RPH3A: variants seen among roughly 807,000 people sequenced by gnomAD.
RPH3A encodes rabphilin 3A, also known as rabphilin-3A.
Under a neutral mutation model 102.2 loss-of-function variants are expected in RPH3A, and 48 were observed. The observed-to-expected ratio is 0.47, with a 90% CI of 0.37 to 0.60. The LOEUF is 0.60. Ranked by LOEUF, RPH3A falls within the 20% of genes least tolerant of loss-of-function variation. RPH3A has a pLI of 0.00. For missense variants in RPH3A, 781 were observed against 910.1 expected (o/e 0.86, Z 1.83); for synonymous variants, 310 against 324.3 (o/e 0.96, Z 0.47).
chr12:112,743,424 T>C (rs1023235720), intron 1 of RPH3A, among the ~76,000 whole-genome samples: 2 of 152,142 alleles, frequency 1.3e-5, no homozygotes, highest in African/African-American at 4.8e-5. Flanking sequence ...CAGGGGTTTT[T>C]CCATAGAGAC....
At chr12:112,674,883 G>C (rs1314677927) in intron 1 of RPH3A, among the ~76,000 whole-genome samples, 1 of 152,174 alleles carries the variant, frequency 6.6e-6, no homozygotes, top group East Asian at 1.9e-4. Flanking sequence ...TCTCTCAGGG[G>C]CTTTACTCCC....
At chr12:112,654,284 T>A (rs1216440686) in intron 1 of RPH3A, among the ~76,000 whole-genome samples, 1 of 152,226 alleles carries the variant, frequency 6.6e-6, no homozygotes, top group Non-Finnish European at 1.5e-5. Flanking sequence ...GTTGGGGTCC[T>A]TATTGCTTTC....
intron 1 of RPH3A, among the ~76,000 whole-genome samples, chr12:112,650,561 C>A (rs1362957731): frequency 6.6e-6 from 1 of 152,036 alleles, no homozygotes; most frequent in Non-Finnish European, 1.5e-5. Flanking sequence ...TTTTATATAT[C>A]CTTTTTTATT....
intron 1 of RPH3A, among the ~76,000 whole-genome samples, chr12:112,657,924 G>A (rs1592929318): frequency 6.6e-6 from 1 of 152,066 alleles, no homozygotes; most frequent in South Asian, 2.1e-4. Context: ...AAGGGGAAGA[G>A]CATTCCAGGC....
intron 3 of RPH3A, among the ~76,000 whole-genome samples, chr12:112,830,658 AC>A (rs1040502818): frequency 2.8e-4 from 43 of 152,244 alleles, no homozygotes; most frequent in Admixed American, 2.5e-3. Context: ...TGAGATGGCT[AC>A]AGGTTTGGAG....
chr12:112,858,202 G>C (rs2042442140), intron 5 of RPH3A, among the ~76,000 whole-genome samples: 1 of 139,998 alleles, frequency 7.1e-6, no homozygotes, highest in Non-Finnish European at 1.5e-5. Flanking sequence ...AGGAGTTTGA[G>C]GCTGCAGCGA....
At chr12:112,827,680 A>T (rs1240197448) in intron 2 of RPH3A, among the ~76,000 whole-genome samples, 2 of 151,384 alleles carry the variant, frequency 1.3e-5, no homozygotes, top group East Asian at 1.9e-4. Context: ...GATGTAGAGT[A>T]TTTTTTTTTA....
At chr12:112,747,714 T>G (rs996590257) in intron 1 of RPH3A, among the ~76,000 whole-genome samples, 5 of 152,198 alleles carry the variant, frequency 3.3e-5, no homozygotes, top group African/African-American at 9.6e-5. Flanking sequence ...TTATCTCTAT[T>G]GTAATCTCTT....
At chr12:112,824,694 G>A (rs1427544545) in intron 2 of RPH3A, among the ~76,000 whole-genome samples, 4 of 152,184 alleles carry the variant, frequency 2.6e-5, no homozygotes, top group Admixed American at 2.0e-4. Flanking sequence ...TGGCCAAGCT[G>A]AAATAACCAG....
chr12:112,581,345 C>T (rs1482057758), intron 1 of RPH3A, among the ~76,000 whole-genome samples: 2 of 152,132 alleles, frequency 1.3e-5, no homozygotes, highest in African/African-American at 4.8e-5. Context: ...GGCTTATTCA[C>T]TATCATGAGA....
At chr12:112,773,907 C>T (rs919458808) in intron 1 of RPH3A, among the ~76,000 whole-genome samples, 1 of 151,742 alleles carries the variant, frequency 6.6e-6, no homozygotes, top group African/African-American at 2.4e-5. Flanking sequence ...ATGGTGGCAC[C>T]CCTGTCTCTA....
rs10563429 is a variant in RPH3A at position 112,897,145 on chromosome 12, T to TACACACACACAC, written c.*384_*395dup. ...CCTCCTAGCCTTGAACACACACATG[T>TACACACACACAC]ACACACACACACACACACACACACA... On this transcript the variant is annotated 3_prime_UTR_variant, in exon 22 of 22. Coordinates refer to ENST00000389385, the MANE Select transcript of RPH3A (RefSeq NM_001143854.2). 0.01 allele frequency: 1,877 copies of TACACACACACAC among 183,662 alleles called. 34 individuals are homozygous for TACACACACACAC. The highest frequency in any genetic ancestry group is 0.041 in the African/African-American group (1,745 of 42,082). The allele number at this position is 183,662 out of a possible 1,614,324, so 11.4% of individuals were successfully genotyped here.
chr12:112,805,768 T>C (rs2136111166), intron 2 of RPH3A, among the ~76,000 whole-genome samples: 1 of 152,336 alleles, frequency 6.6e-6, no homozygotes, highest in South Asian at 2.1e-4. Flanking sequence ...GAATGTCTAG[T>C]CTCTGAATTG....
chr12:112,870,891 T>C (rs1449837712), intron 10 of RPH3A, among the ~76,000 whole-genome samples: 1 of 152,198 alleles, frequency 6.6e-6, no homozygotes, highest in Non-Finnish European at 1.5e-5. Context: ...GAAGTATTTA[T>C]AGAGTGTTTA....
At chr12:112,737,661 C>T (rs986651198) in intron 1 of RPH3A, among the ~76,000 whole-genome samples, 13 of 152,070 alleles carry the variant, frequency 8.5e-5, no homozygotes, top group African/African-American at 2.4e-4. Flanking sequence ...TAATCAATTA[C>T]GGTATGAACA....
chr12:112,855,774 A>G (rs1171819718), intron 5 of RPH3A, among the ~76,000 whole-genome samples: 1 of 152,166 alleles, frequency 6.6e-6, no homozygotes, highest in African/African-American at 2.4e-5. Context: ...TTGACTTCAG[A>G]AAGTGCCAAC....
intron 1 of RPH3A, among the ~76,000 whole-genome samples, chr12:112,735,758 C>A (rs116404815): frequency 0.015 from 2,347 of 152,264 alleles, 61 homozygotes; most frequent in African/African-American, 0.053. Context: ...CCACCTCCCC[C>A]CAAGCCTTTC....
intron 3 of RPH3A, among the ~76,000 whole-genome samples, chr12:112,832,824 CAG>C (rs1475278122): frequency 6.6e-6 from 1 of 152,070 alleles, no homozygotes; most frequent in Admixed American, 6.5e-5. Flanking sequence ...GCTTGGGTAA[CAG>C]AGAGAGACCC....
chr12:112,755,594 G>A (rs2040818429), intron 1 of RPH3A, among the ~76,000 whole-genome samples: 1 of 152,108 alleles, frequency 6.6e-6, no homozygotes, highest in Non-Finnish European at 1.5e-5. Context: ...TGAGCTCCAT[G>A]ATCCCTCGTG....
Sources: allele counts gnomAD v4.1 joint callset (sites outside exome capture counted in the v4.1 genomes callset), GRCh38; gene constraint gnomAD v4.1.1; transcripts MANE v1.5; gene names NCBI Gene and HGNC (gene_info 2026-07-23, HGNC 2026-07-21).